Variants in GDF11 observed in about 807,000 individuals in gnomAD.
GDF11 encodes growth differentiation factor 11.
GDF11 carries 12 observed loss-of-function variants against 34.4 expected under a neutral mutation model. That is an observed-to-expected ratio of 0.35 (90% CI 0.22 to 0.57). The LOEUF is 0.57. Ranked by LOEUF, GDF11 falls within the 20% of genes least tolerant of loss-of-function variation. GDF11 has a pLI of 0.86. For synonymous variants in GDF11, 212 were observed against 231.1 expected (o/e 0.92, Z 0.75); for missense variants, 346 against 548.2 (o/e 0.63, Z 3.68).
In GDF11 at chr12:55,749,926, AC is replaced by A; in HGVS notation, c.*48del. On this transcript the variant is annotated 3_prime_UTR_variant, in exon 3 of 3. Transcript: ENST00000257868. The surrounding 1 kb of genome is among the most constrained non-coding windows in gnomAD (Gnocchi z 5.6). ...CCTCCCCCACAGACCCTACCCCAAGACCCCTAGCCCTGCCCCCATCCCCCCA... is the reference window on the plus strand; with the variant it reads ...CCTCCCCCACAGACCCTACCCCAAGACCCTAGCCCTGCCCCCATCCCCCCA... The A allele has an allele frequency of 6.5e-7, 1 of 1,536,412 alleles. No homozygotes were observed. Among genetic ancestry groups the A allele is most frequent in the Non-Finnish European group, 8.9e-7 (1 of 1,128,194 alleles).
At chr12:55,744,812 G>T (rs546574662) in intron 1 of GDF11, among the ~76,000 whole-genome samples, 139 of 152,150 alleles carry the variant, frequency 9.1e-4, no homozygotes, top group African/African-American at 3.3e-3. Context: ...TGGTTTTATG[G>T]CTGTGAACAG....
Position 55,749,067 on chromosome 12 carries a change from G to A in GDF11, c.843+84G>A. On this transcript the variant is annotated intron_variant, in intron 2 of 2. Coordinates refer to ENST00000257868, the MANE Select transcript of GDF11 (RefSeq NM_005811.5). This position sits in a 1 kb window ranked among gnomAD's most constrained non-coding sequence, Gnocchi z 5.6. The stretch of plus-strand genomic sequence containing the variant: ...ACATTGGAAAAGGTAGACAAGGAAT[G>A]TGAAGGAGGTTGGGGACCAGCATTA... The A allele has an allele frequency of 7.4e-7, 1 of 1,358,394 alleles. No homozygotes were observed. Among genetic ancestry groups the A allele is most frequent in the African/African-American group, 1.4e-5 (1 of 69,084 alleles). 84.1% of individuals were successfully genotyped at this position (1,358,394 alleles called of 1,614,324 possible).
chr12:55,743,962 T>C (rs1468198364), intron 1 of GDF11, among the ~76,000 whole-genome samples: 1 of 152,238 alleles, frequency 6.6e-6, no homozygotes, highest in Non-Finnish European at 1.5e-5. Flanking sequence ...GCACGCCTAG[T>C]TCCCGGAGGT....
intron 1 of GDF11, among the ~76,000 whole-genome samples, chr12:55,747,210 C>G (rs1878204326): frequency 1.3e-5 from 2 of 152,142 alleles, no homozygotes; most frequent in South Asian, 4.1e-4. Flanking sequence ...AAACCCTACT[C>G]CATTGCACCA....
chr12:55,747,125 T>A (rs1207388714), intron 1 of GDF11, among the ~76,000 whole-genome samples: 2 of 152,150 alleles, frequency 1.3e-5, no homozygotes, highest in East Asian at 3.8e-4. Flanking sequence ...CTATTTGGGA[T>A]GTTGCTTGTC....
In GDF11 at chr12:55,748,504, C is replaced by A; in HGVS notation, c.446-82C>A. 7.5e-7 allele frequency: 1 copy of A among 1,328,144 alleles called. No homozygotes were observed. Among genetic ancestry groups the A allele is most frequent in the African/African-American group, 1.5e-5 (1 of 68,294 alleles). The allele number at this position is 1,328,144 out of a possible 1,614,324, so 82.3% of individuals were successfully genotyped here. A position where few individuals can be genotyped will look rare whatever the true frequency, so the allele number is the denominator to read the frequency against. The stretch of plus-strand genomic sequence containing the variant: ...GAACTGGAAAATCAGGCTGAGAAGT[C>A]CAAAATTGCCAGTGCCACCCAGGAC... On this transcript the variant is annotated intron_variant, in intron 1 of 2. Coordinates refer to ENST00000257868, the MANE Select transcript of GDF11 (RefSeq NM_005811.5). This position sits in a 1 kb window ranked among gnomAD's most constrained non-coding sequence, Gnocchi z 5.6.
rs927053960 is a variant in GDF11, at chr12:55,750,118, A to C, written c.*236A>C. The stretch of plus-strand genomic sequence containing the variant: ...GGGGAGTGTTTGAAGTTTGCAGATG[A>C]GAAGGTTTGACAAAAAGACAGAGAG... On this transcript the variant is annotated 3_prime_UTR_variant, in exon 3 of 3. Coordinates refer to ENST00000257868, the MANE Select transcript of GDF11 (RefSeq NM_005811.5). The C allele has an allele frequency of 4.9e-5, 26 of 529,574 alleles. No homozygotes were observed. Among genetic ancestry groups the C allele is most frequent in the Non-Finnish European group, 4.4e-5 (13 of 296,648 alleles). The allele number at this position is 529,574 out of a possible 1,614,324, so 32.8% of individuals were successfully genotyped here. A position where few individuals can be genotyped will look rare whatever the true frequency, so the allele number is the denominator to read the frequency against.
chr12:55,748,891 C>T lies in GDF11; in HGVS notation c.751C>T (p.Pro251Ser). 6.2e-7 allele frequency: 1 copy of T among 1,610,978 alleles called. No homozygotes were observed. Among genetic ancestry groups the T allele is most frequent in the South Asian group, 1.1e-5 (1 of 91,038 alleles). The stretch of plus-strand genomic sequence containing the variant: ...AGTGCTACACAGCTGGTTCCGCCAG[C>T]CACAGAGCAACTGGGGCATCGAGAT... ...KQVLHSWFRQ[P>S]QSNWGIEINA... The change falls in exon 2 of 3, where the codon CCA (proline) becomes TCA (serine). Residue 251 changes from proline (P) to serine (S), a missense_variant. This residue lies in a region of GDF11 where 205 missense variants were observed against 311.3 expected (regional missense o/e 0.66). Coordinates refer to ENST00000257868, the MANE Select transcript of GDF11 (RefSeq NM_005811.5). The surrounding 1 kb of genome is among the most constrained non-coding windows in gnomAD (Gnocchi z 5.6).
chr12:55,749,125 G>A lies in GDF11; in HGVS notation c.843+142G>A, dbSNP rs934449536. 2.4e-6 allele frequency: 2 copies of A among 843,492 alleles called. No homozygotes were observed. Among genetic ancestry groups the A allele is most frequent in the East Asian group, 5.4e-5 (2 of 37,348 alleles). 52.3% of individuals were successfully genotyped at this position (843,492 alleles called of 1,614,324 possible). A position where few individuals can be genotyped will look rare whatever the true frequency, so the allele number is the denominator to read the frequency against. On this transcript the variant is annotated intron_variant, in intron 2 of 2. Transcript: ENST00000257868. The surrounding 1 kb of genome is among the most constrained non-coding windows in gnomAD (Gnocchi z 5.6). ...GGGGTCAGCAGCTGATTCTAGAGGA[G>A]GAGGTGAGGAGTGGGGTGGCAACTA... is the stretch of plus-strand genomic sequence containing the variant.
rs1486933345 is a variant in GDF11 at position 55,755,093 on chromosome 12, TG to T, written c.*5217del. 2 of 152,170 alleles carry T rather than the reference TG, an allele frequency of 1.3e-5. No individual in the cohort carries two copies. The highest frequency in any genetic ancestry group is 1.5e-5 in the Non-Finnish European group (1 of 68,020). 9.4% of individuals were successfully genotyped at this position (152,170 alleles called of 1,614,324 possible). ...GGCAAGAGAAGGGGAGGTTAAATTT[TG>T]GGGGGATTCCAATAATCAGAAATAA... On this transcript the variant is annotated 3_prime_UTR_variant, in exon 3 of 3. Transcript: ENST00000257868.
Position 55,743,414 on chromosome 12 carries a change from C to T in GDF11, c.98C>T (p.Ala33Val). 1 of 1,019,774 alleles carries T rather than the reference C, an allele frequency of 9.8e-7. No homozygotes were observed. The highest frequency in any genetic ancestry group is 1.2e-6 in the Non-Finnish European group (1 of 855,168). 63.2% of individuals were successfully genotyped at this position (1,019,774 alleles called of 1,614,324 possible). A position where few individuals can be genotyped will look rare whatever the true frequency, so the allele number is the denominator to read the frequency against. ...EAAEGPAAAA[A>V]AAAAAAAAGV... is the part of the protein sequence containing the mutation. ...GCCGAGGGCCCCGCGGCGGCGGCGG[C>T]GGCGGCGGCGGCGGCGGCAGCGGCG... The change falls in exon 1 of 3, where the codon GCG (alanine) becomes GTG (valine). Residue 33 changes from alanine (A) to valine (V), a missense_variant. Physicochemically the swap from Ala to Val is moderately conservative, Grantham distance 64. Coordinates refer to ENST00000257868, the MANE Select transcript of GDF11 (RefSeq NM_005811.5).
rs1878331239 is a variant in GDF11 at position 55,751,827 on chromosome 12, T to C, written c.*1945T>C. 2 of 152,194 alleles carry C rather than the reference T, an allele frequency of 1.3e-5. No homozygotes were observed. The highest frequency in any genetic ancestry group is 4.8e-5 in the African/African-American group (2 of 41,428). The allele number at this position is 152,194 out of a possible 1,614,324, so 9.4% of individuals were successfully genotyped here. On this transcript the variant is annotated 3_prime_UTR_variant, in exon 3 of 3. Coordinates refer to ENST00000257868, the MANE Select transcript of GDF11 (RefSeq NM_005811.5). ...GGGTCTGATAAAAACAGTACTGAAC[T>C]AAAGTAAAGCCCAAGCTGGTGAGCA... is the stretch of plus-strand genomic sequence containing the variant.
chr12:55,744,435 C>T (rs1592542577), intron 1 of GDF11, among the ~76,000 whole-genome samples: 1 of 152,164 alleles, frequency 6.6e-6, no homozygotes, highest in South Asian at 2.1e-4. Context: ...TCATTGGCTA[C>T]TCAAACCTTA....
At chr12:55,744,495 G>A in intron 1 of GDF11, among the ~76,000 whole-genome samples, 1 of 152,136 alleles carries the variant, frequency 6.6e-6, no homozygotes, top group Non-Finnish European at 1.5e-5. Context: ...ACTTGAGAGA[G>A]ACGAAGACCT....
In GDF11 at chr12:55,754,147, G is replaced by A. The variant is rs1400296023; in HGVS notation, c.*4265G>A. ...GGCTGGAAGTGGTTGAGTAGCAGAA[G>A]TGTTATGTATTCTATCTTCCCAAGG... On this transcript the variant is annotated 3_prime_UTR_variant, in exon 3 of 3. Coordinates refer to ENST00000257868, the MANE Select transcript of GDF11 (RefSeq NM_005811.5). 1 of 152,110 alleles carries A rather than the reference G, an allele frequency of 6.6e-6. No homozygotes were observed. The highest frequency in any genetic ancestry group is 1.9e-4 in the East Asian group (1 of 5,198). The allele number at this position is 152,110 out of a possible 1,614,324, so 9.4% of individuals were successfully genotyped here. A position where few individuals can be genotyped will look rare whatever the true frequency, so the allele number is the denominator to read the frequency against.
chr12:55,748,151 C>T lies in GDF11; in HGVS notation c.446-435C>T, dbSNP rs1878223144. On this transcript the variant is annotated intron_variant, in intron 1 of 2. Coordinates refer to ENST00000257868, the MANE Select transcript of GDF11 (RefSeq NM_005811.5). This position sits in a 1 kb window ranked among gnomAD's most constrained non-coding sequence, Gnocchi z 5.6. The stretch of plus-strand genomic sequence containing the variant: ...TTGTGGGGGAGGGATGTGCCAGGCT[C>T]TACCTGTCCAGCAGATAAATCAGAG... Among the ~76,000 whole-genome samples the T allele has an allele frequency of 6.6e-6, 1 of 152,298 alleles. No homozygotes were observed. Among genetic ancestry groups the T allele is most frequent in the East Asian group, 1.9e-4 (1 of 5,188 alleles).
At position 55,757,190 on chromosome 12, in the gene GDF11, T is replaced by C. The variant is rs1024366257; in HGVS notation, c.*7308T>C. ...TAAAGGTATTATGGCCAATTCTCTA[T>C]AATATTTGCCCCTGAAGCTCCCCTT... is the stretch of plus-strand genomic sequence containing the variant. On this transcript the variant is annotated 3_prime_UTR_variant, in exon 3 of 3. Coordinates refer to ENST00000257868, the MANE Select transcript of GDF11 (RefSeq NM_005811.5). The C allele has an allele frequency of 4.9e-6, 1 of 204,020 alleles. No individual in the cohort carries two copies. Among genetic ancestry groups the C allele is most frequent in the Non-Finnish European group, 9.9e-6 (1 of 101,044 alleles). 12.6% of individuals were successfully genotyped at this position (204,020 alleles called of 1,614,324 possible). A position where few individuals can be genotyped will look rare whatever the true frequency, so the allele number is the denominator to read the frequency against.
At chr12:55,744,692 C>T (rs1048531412) in intron 1 of GDF11, among the ~76,000 whole-genome samples, 8 of 151,390 alleles carry the variant, frequency 5.3e-5, no homozygotes, top group Non-Finnish European at 1.2e-4. Flanking sequence ...TCTCCTCCCC[C>T]ACTGAGGTCT....
chr12:55,749,600 C>T lies in GDF11; in HGVS notation c.942C>T (p.Cys314=), dbSNP rs1200796889. The stretch of plus-strand genomic sequence containing the variant: ...AGCACTCAAGCGAGTCCCGCTGCTG[C>T]CGATATCCCCTCACAGTGGACTTTG... ...CDEHSSESRC[C]RYPLTVDFEA... is the part of the protein sequence containing the mutation. Residue 314 remains cysteine (C), a synonymous_variant, in exon 3 of 3, where the codon TGC becomes TGT. Coordinates refer to ENST00000257868, the MANE Select transcript of GDF11 (RefSeq NM_005811.5). The surrounding 1 kb of genome is among the most constrained non-coding windows in gnomAD (Gnocchi z 5.6). 1 of 1,614,026 alleles carries T rather than the reference C, an allele frequency of 6.2e-7. No homozygotes were observed.
Sources: allele counts gnomAD v4.1 joint callset (sites outside exome capture counted in the v4.1 genomes callset), GRCh38; gene constraint gnomAD v4.1.1; regional missense constraint gnomAD v4.1.1; non-coding constraint Gnocchi (gnomAD v3.1); transcripts MANE v1.5; gene names NCBI Gene and HGNC (gene_info 2026-07-23, HGNC 2026-07-21).